Variants in GABRB1 observed in about 807,000 individuals in gnomAD.
GABRB1 encodes gamma-aminobutyric acid receptor subunit beta-1.
A neutral mutation model predicts 51.6 loss-of-function variants in GABRB1; 17 were observed. That is an observed-to-expected ratio of 0.33 (90% CI 0.23 to 0.49). GABRB1 has a LOEUF of 0.49. GABRB1 is among the 20% of genes least tolerant of loss of function. GABRB1 has a pLI of 0.99. For synonymous variants in GABRB1, 247 were observed against 218.9 expected (o/e 1.13, Z -1.14); for missense variants, 410 against 600.6 (o/e 0.68, Z 3.32).
At chr4:47,242,715 C>G (rs1311651989) in intron 4 of GABRB1, among the ~76,000 whole-genome samples, 2 of 152,072 alleles carry the variant, frequency 1.3e-5, no homozygotes, top group African/African-American at 4.8e-5. Flanking sequence ...TATCCTTTGC[C>G]CACTTTTTGA....
At chr4:47,025,285 T>G (rs1725056509) in intron 1 of GABRB1, among the ~76,000 whole-genome samples, 1 of 151,892 alleles carries the variant, frequency 6.6e-6, no homozygotes, top group Non-Finnish European at 1.5e-5. Flanking sequence ...CTTGATCAAA[T>G]GGTAGTTCTA....
chr4:47,186,704 T>C (rs559408232), intron 4 of GABRB1, among the ~76,000 whole-genome samples: 1 of 151,966 alleles, frequency 6.6e-6, no homozygotes, highest in East Asian at 1.9e-4. Context: ...AAAAGGAATA[T>C]TCTACTAAAA....
chr4:47,313,900 G>A (rs184227293), intron 4 of GABRB1, among the ~76,000 whole-genome samples: 83 of 152,186 alleles, frequency 5.5e-4, no homozygotes, highest in African/African-American at 1.7e-3. Flanking sequence ...ATAGTTGTGG[G>A]AGAGTTGGTA....
At position 47,019,625 on chromosome 4, in the gene GABRB1, CTCTTTCTTTCTTTCTTTCTT is replaced by C. The variant is rs1157555893; in HGVS notation, c.-19-12254_-19-12235del. Among the ~76,000 whole-genome samples, 187 of 91,102 alleles carry C rather than the reference CTCTTTCTTTCTTTCTTTCTT, an allele frequency of 2.1e-3. 1 individual carries two copies. Among genetic ancestry groups the C allele is most frequent in the African/African-American group, 4.5e-3 (101 of 22,626 alleles). 59.8% of individuals were successfully genotyped at this position (91,102 alleles called of 152,430 possible). On this transcript the variant is annotated intron_variant, in intron 1 of 3. Coordinates refer to the GABRB1 transcript ENST00000513567. Reference sequence around the variant, plus strand: ...TCCTCCCTTCTTTCTTTCTTTCTCTCTCTTTCTTTCTTTCTTTCTTTCTTTCTTTCTTTCTTTCTTTCTTT... The same window carrying C: ...TCCTCCCTTCTTTCTTTCTTTCTCTCTCTTTCTTTCTTTCTTTCTTTCTTT...
chr4:47,263,055 AG>A (rs746238668), intron 4 of GABRB1, among the ~76,000 whole-genome samples: 1 of 52,006 alleles, frequency 1.9e-5, no homozygotes, highest in Non-Finnish European at 3.4e-5. Context: ...GGGTGGGGGG[AG>A]GGGGGAGGGA....
Position 47,133,386 on chromosome 4 carries a change from G to T in GABRB1, c.241-27863G>T, listed in dbSNP as rs1577938206. ...GAGCACTCTAAATAATTAATAAAGG[G>T]TCAAAGCAAACTGTAGCAATGAATG... is the stretch of plus-strand genomic sequence containing the variant. On this transcript the variant is annotated intron_variant, in intron 3 of 8. Transcript: ENST00000295454. Among the ~76,000 whole-genome samples, 7 of 152,244 alleles carry T rather than the reference G, an allele frequency of 4.6e-5. No homozygotes were observed. In the South Asian group the frequency reaches 1.5e-3, roughly 32 times the overall value.
intron 3 of GABRB1, among the ~76,000 whole-genome samples, chr4:47,123,758 A>G (rs1312961142): frequency 1.2e-5 from 1 of 86,890 alleles, no homozygotes; most frequent in East Asian, 3.2e-4. Flanking sequence ...ATAATATATT[A>G]TAATATATTA....
chr4:47,022,317 A>G (rs928777562), intron 1 of GABRB1, among the ~76,000 whole-genome samples: 4 of 152,100 alleles, frequency 2.6e-5, no homozygotes, highest in African/African-American at 9.7e-5. Context: ...TAGTGCCAAC[A>G]CAATTGAATG....
intron 4 of GABRB1, among the ~76,000 whole-genome samples, chr4:47,204,553 A>C (rs1330117529): frequency 6.6e-6 from 1 of 151,982 alleles, no homozygotes; most frequent in Non-Finnish European, 1.5e-5. Context: ...CCCCACCCAA[A>C]TCTCATCTTG....
upstream of GABRB1, chr4:47,031,500 A>G: frequency 1.5e-6 from 1 of 648,962 alleles, no homozygotes; most frequent in Non-Finnish European, 2.8e-6. Flanking sequence ...CTGTTCCACT[A>G]GGAATATTGT....
chr4:47,253,459 T>C (rs193254787), intron 4 of GABRB1, among the ~76,000 whole-genome samples: 1 of 152,348 alleles, frequency 6.6e-6, no homozygotes, highest in African/African-American at 2.4e-5. Flanking sequence ...GTAACTATGG[T>C]AATTAAACTT....
chr4:47,408,665 G>T (rs1728657348), intron 8 of GABRB1, among the ~76,000 whole-genome samples: 1 of 152,178 alleles, frequency 6.6e-6, no homozygotes, highest in Non-Finnish European at 1.5e-5. Flanking sequence ...AATGAGACAG[G>T]ACACAGTTAG....
rs569558267 is a variant in GABRB1 at position 47,123,259 on chromosome 4, A to G, written c.241-37990A>G. On this transcript the variant is annotated intron_variant, in intron 3 of 8. Transcript: ENST00000295454. Reference sequence around the variant, plus strand: ...CCAGTTCTTATACATACATATGTGTATGTGTGTGTGTGTATTTATACATAT... The same window carrying G: ...CCAGTTCTTATACATACATATGTGTGTGTGTGTGTGTGTATTTATACATAT... 4.9e-5 allele frequency among the ~76,000 whole-genome samples: 7 copies of G among 143,780 alleles called. No homozygotes were observed. The East Asian group carries it at 1.2e-3, about 24-fold the overall frequency. The allele number at this position is 143,780 out of a possible 152,430, so 94.3% of individuals were successfully genotyped here.
intron 3 of GABRB1, 37 bp downstream of exon 3, chr4:47,032,521 A>G (rs1003206471): frequency 1.3e-6 from 2 of 1,591,588 alleles, no homozygotes; most frequent in African/African-American, 2.7e-5. Flanking sequence ...GGTTCGGCTT[A>G]CGCAGATGGG....
intron 3 of GABRB1, 138 bp downstream of exon 3, chr4:47,032,622 C>A: frequency 1.3e-6 from 1 of 794,000 alleles, no homozygotes; most frequent in African/African-American, 1.7e-5. Flanking sequence ...CTCCCCGCTC[C>A]GGCACACACA....
intron 3 of GABRB1, among the ~76,000 whole-genome samples, chr4:47,092,452 C>T (rs1185907971): frequency 6.6e-6 from 1 of 151,788 alleles, no homozygotes; most frequent in Non-Finnish European, 1.5e-5. Flanking sequence ...GGATTACAGG[C>T]ATCAGCCACT....
chr4:47,161,703 AC>A (rs1717960471), intron 4 of GABRB1, among the ~76,000 whole-genome samples: 1 of 152,068 alleles, frequency 6.6e-6, no homozygotes, highest in Admixed American at 6.6e-5. Context: ...CTGAACTGTA[AC>A]CTGTTATTAT....
At chr4:47,340,788 G>A (rs1467726679) in intron 5 of GABRB1, among the ~76,000 whole-genome samples, 2 of 151,936 alleles carry the variant, frequency 1.3e-5, no homozygotes, top group African/African-American at 4.8e-5. Context: ...ACTCAAACCT[G>A]GGAAAGGAGA....
chr4:47,034,991 CAA>C (rs1286122316), intron 3 of GABRB1, among the ~76,000 whole-genome samples: 3 of 151,946 alleles, frequency 2.0e-5, no homozygotes, highest in Non-Finnish European at 4.4e-5. Flanking sequence ...AAGAATATAA[CAA>C]AGAGAATGGA....
Sources: gnomAD v4.1 joint callset for allele counts (sites outside exome capture counted in the v4.1 genomes callset) on GRCh38, gnomAD v4.1.1 for gene constraint, MANE v1.5 for transcripts, NCBI Gene and HGNC (gene_info 2026-07-23, HGNC 2026-07-21) for gene names.